FLVCR1: variants seen among roughly 807,000 people sequenced by gnomAD.
FLVCR1 encodes choline/ethanolamine transporter FLVCR1.
A neutral mutation model predicts 53.6 loss-of-function variants in FLVCR1; 34 were observed. The observed-to-expected ratio is 0.63, with a 90% CI of 0.48 to 0.84. The LOEUF is 0.84. Among genes scored for constraint, FLVCR1 ranks in the 40% least tolerant of loss-of-function variants. FLVCR1 has a pLI of 0.00. For missense variants in FLVCR1, 677 were observed against 696.7 expected, an observed-to-expected ratio of 0.97 and a Z score of 0.32; for synonymous variants, 300 against 286.3, an observed-to-expected ratio of 1.05 and a Z score of -0.48.
chr1:212,885,676 G>A (rs1316387605), intron 5 of FLVCR1: 3 of 299,908 alleles, frequency 1.0e-5, no homozygotes, highest in Non-Finnish European at 1.9e-5. Context: ...TCAGCCTCCC[G>A]AGTAGCTGGG....
rs567270153 is a variant in FLVCR1 at position 212,860,350 on chromosome 1, G to GTTTTTTTT, written c.738+1171_738+1178dup. On this transcript the variant is annotated intron_variant, in intron 1 of 9. Transcript: ENST00000366971. ...TATTATAAAGTTTTTTGTGTGTGTG[G>GTTTTTTTT]TTTTTTTTTTTTTTTTTTGTAGAAA... Among the ~76,000 whole-genome samples the GTTTTTTTT allele has an allele frequency of 8.5e-4, 73 of 85,840 alleles. 8 individuals are homozygous for GTTTTTTTT. Among genetic ancestry groups the GTTTTTTTT allele is most frequent in the South Asian group, 3.1e-3 (6 of 1,962 alleles). 56.3% of individuals were successfully genotyped at this position (85,840 alleles called of 152,430 possible). A position where few individuals can be genotyped will look rare whatever the true frequency, so the allele number is the denominator to read the frequency against.
Position 212,895,510 on chromosome 1 carries a change from A to C in FLVCR1, c.*220A>C. ...CTTCTGTTTACATCATGTTAACACT[A>C]CTGTTTATCTAATTAGTATCCGGTT... On this transcript the variant is annotated 3_prime_UTR_variant, in exon 10 of 10. Coordinates refer to ENST00000366971, the MANE Select transcript of FLVCR1 (RefSeq NM_014053.4). 1 of 554,548 alleles carries C rather than the reference A, an allele frequency of 1.8e-6. No individual in the cohort carries two copies. Among genetic ancestry groups the C allele is most frequent in the Non-Finnish European group, 3.2e-6 (1 of 310,494 alleles). The allele number at this position is 554,548 out of a possible 1,614,324, so 34.4% of individuals were successfully genotyped here.
At chr1:212,862,721 T>A (rs1342754549) in intron 1 of FLVCR1, among the ~76,000 whole-genome samples, 1 of 152,250 alleles carries the variant, frequency 6.6e-6, no homozygotes, top group Non-Finnish European at 1.5e-5. Flanking sequence ...TGCTAGGTCA[T>A]ATGGTAATTC....
intron 8 of FLVCR1, among the ~76,000 whole-genome samples, chr1:212,892,736 GTAGC>G (rs1476930406): frequency 1.3e-5 from 2 of 152,158 alleles, no homozygotes; most frequent in African/African-American, 4.8e-5. Context: ...TCAAAAGGCT[GTAGC>G]TGCCAGAAAT....
At chr1:212,874,190 G>A (rs1232053838) in intron 3 of FLVCR1, among the ~76,000 whole-genome samples, 1 of 152,108 alleles carries the variant, frequency 6.6e-6, no homozygotes, top group Admixed American at 6.5e-5. Flanking sequence ...CATATTTTTA[G>A]TAGAGAAGGG....
rs886045932 is a variant in FLVCR1, at chr1:212,896,129, T to G, written c.*839T>G. The stretch of plus-strand genomic sequence containing the variant: ...CCATTGCCTTTTTTTTCTTTTAAAC[T>G]CTCTTTTTTTTTTTTTCCTGATGTG... On this transcript the variant is annotated 3_prime_UTR_variant, in exon 10 of 10. Coordinates refer to ENST00000366971, the MANE Select transcript of FLVCR1 (RefSeq NM_014053.4). The G allele has an allele frequency of 4.9e-5, 7 of 144,244 alleles. No individual in the cohort carries two copies. Among genetic ancestry groups the G allele is most frequent in the Admixed American group, 6.7e-5 (1 of 14,816 alleles). 8.9% of individuals were successfully genotyped at this position (144,244 alleles called of 1,614,324 possible). A position where few individuals can be genotyped will look rare whatever the true frequency, so the allele number is the denominator to read the frequency against.
At chr1:212,865,136 CT>C (rs34715080) in intron 2 of FLVCR1, among the ~76,000 whole-genome samples, 70,592 of 148,162 alleles carry the variant, frequency 0.48, 17,553 homozygotes, top group Non-Finnish European at 0.56. Flanking sequence ...CACCAAAATT[CT>C]TTTTTTTTTT....
chr1:212,859,165 G>C lies in FLVCR1; in HGVS notation c.713G>C (p.Cys238Ser). ...WFGPKEVSTA[C>S]ATAVLGNQLG... ...GGGCCCAAAGAGGTGTCCACAGCTT[G>C]TGCCACCGCCGTGCTGGGCAATCAG... The change falls in exon 1 of 10, where the codon TGT (cysteine) becomes TCT (serine). Residue 238 changes from cysteine (C) to serine (S), a missense_variant. Physicochemically the swap from Cys to Ser is moderately radical, Grantham distance 112 (BLOSUM62 -1). Transcript: ENST00000366971. 1 of 1,614,040 alleles carries C rather than the reference G, an allele frequency of 6.2e-7. No individual in the cohort carries two copies. Among genetic ancestry groups the C allele is most frequent in the Admixed American group, 1.7e-5 (1 of 60,028 alleles).
In FLVCR1 at chr1:212,873,310, C is replaced by CAAA. The variant is rs66596141; in HGVS notation, c.1024+500_1024+502dup. On this transcript the variant is annotated intron_variant, in intron 3 of 9. Transcript: ENST00000366971. ...CCTGGGCAATAGAGTGAGACTATCT[C>CAAA]AAAAAAAAAATAAAAGAAAGAAAAG... Among the ~76,000 whole-genome samples, 507 of 144,156 alleles carry CAAA rather than the reference C, an allele frequency of 3.5e-3. 6 individuals carry two copies. Among genetic ancestry groups the CAAA allele is most frequent in the African/African-American group, 0.012 (479 of 39,628 alleles). 94.6% of individuals were successfully genotyped at this position (144,156 alleles called of 152,430 possible).
intron 1 of FLVCR1, among the ~76,000 whole-genome samples, chr1:212,859,805 A>G (rs1213216887): frequency 1.3e-5 from 2 of 152,182 alleles, no homozygotes; most frequent in Non-Finnish European, 2.9e-5. Context: ...AAATTTGTCA[A>G]TGCAGTAACG....
intron 2 of FLVCR1, among the ~76,000 whole-genome samples, chr1:212,866,717 AT>A (rs1664443941): frequency 6.6e-6 from 1 of 152,180 alleles, no homozygotes; most frequent in South Asian, 2.1e-4. Flanking sequence ...TACTTAACTA[AT>A]TATGTACTCA....
At chr1:212,859,989 C>T (rs1018998149) in intron 1 of FLVCR1, among the ~76,000 whole-genome samples, 4 of 152,034 alleles carry the variant, frequency 2.6e-5, no homozygotes, top group Non-Finnish European at 5.9e-5. Flanking sequence ...TGACTGCTAA[C>T]CAAAAGTTCT....
At position 212,885,399 on chromosome 1, in the gene FLVCR1, A is replaced by T; in HGVS notation, c.1196+3A>T. The T allele has an allele frequency of 6.3e-7, 1 of 1,599,462 alleles. No homozygotes were observed. The highest frequency in any genetic ancestry group is 8.6e-7 in the Non-Finnish European group (1 of 1,166,644). On this transcript the variant is annotated splice_donor_region_variant and intron_variant, in intron 5 of 9. Coordinates refer to ENST00000366971, the MANE Select transcript of FLVCR1 (RefSeq NM_014053.4). ...CTGGATTATACTAAAACATACAAGT[A>T]AGTGAAAGTAAATACATGTATGGTG...
At position 212,894,994 on chromosome 1, in the gene FLVCR1, A is replaced by G. The variant is rs112913904; in HGVS notation, c.1534A>G (p.Lys512Glu). The G allele has an allele frequency of 7.5e-6, 12 of 1,603,388 alleles. No homozygotes were observed. The highest frequency in any genetic ancestry group is 5.3e-5 in the African/African-American group (4 of 74,814). Residue 512 changes from lysine (K) to glutamate (E), a missense_variant, in exon 9 of 10, where the codon AAG becomes GAG. Transcript: ENST00000366971. ...ATGCCCCTCTGTTTCAGCATTAATC[A>G]AGTCTGATCTGCGAAGACACAACAT... ...FIGIILTALIKSDLRRHNINI... is the reference protein window; with the variant it reads ...FIGIILTALIESDLRRHNINI...
intron 8 of FLVCR1, among the ~76,000 whole-genome samples, chr1:212,892,116 A>T (rs1239672651): frequency 6.6e-6 from 1 of 152,276 alleles, no homozygotes; most frequent in Non-Finnish European, 1.5e-5. Flanking sequence ...TCTTCATAAC[A>T]TAAAAGTGCA....
intron 3 of FLVCR1, among the ~76,000 whole-genome samples, chr1:212,882,281 TAATAG>T (rs1572023129): frequency 6.6e-6 from 1 of 152,160 alleles, no homozygotes; most frequent in African/African-American, 2.4e-5. Flanking sequence ...TATATTAACA[TAATAG>T]AATACTGTAC....
intron 3 of FLVCR1, among the ~76,000 whole-genome samples, chr1:212,875,770 G>C (rs1664736424): frequency 6.6e-6 from 1 of 151,704 alleles, no homozygotes; most frequent in Non-Finnish European, 1.5e-5. Context: ...GAACCCAGGA[G>C]GCAAAGGTTG....
intron 4 of FLVCR1, among the ~76,000 whole-genome samples, chr1:212,884,457 C>T (rs1665007826): frequency 6.6e-6 from 1 of 151,982 alleles, no homozygotes; most frequent in Non-Finnish European, 1.5e-5. Flanking sequence ...AGTTACTATC[C>T]CTGTGACAAT....
chr1:212,886,042 CTT>C (rs5780703), intron 5 of FLVCR1, among the ~76,000 whole-genome samples: 6 of 121,152 alleles, frequency 5.0e-5, no homozygotes, highest in Admixed American at 2.9e-4. Context: ...TTATCTTGTT[CTT>C]TTTTTTTTTT....
Sources: gnomAD v4.1 joint callset for allele counts (sites outside exome capture counted in the v4.1 genomes callset) on GRCh38, gnomAD v4.1.1 for gene constraint, MANE v1.5 for transcripts, NCBI Gene and HGNC (gene_info 2026-07-23, HGNC 2026-07-21) for gene names.